FBN3: variants seen among roughly 807,000 people sequenced by gnomAD.
FBN3 encodes fibrillin 3.
A neutral mutation model predicts 330.1 loss-of-function variants in FBN3; 234 were observed. The ratio of observed to expected loss-of-function variants is 0.71; its 90% CI spans 0.64 to 0.79. The LOEUF is 0.79. Ranked by LOEUF, FBN3 falls within the 30% of genes least tolerant of loss-of-function variation. FBN3 has a pLI of 0.00. For synonymous variants in FBN3, 1,458 were observed against 1,517.3 expected (o/e 0.96, Z 0.91); for missense variants, 3,606 against 3,886.9 (o/e 0.93, Z 1.92).
Position 8,147,150 on chromosome 19 carries a change from G to C in FBN3, c.204C>G (p.Cys68Trp). 6.4e-7 allele frequency: 1 copy of C among 1,573,446 alleles called. No homozygotes were observed. Among genetic ancestry groups the C allele is most frequent in the Non-Finnish European group, 8.6e-7 (1 of 1,160,658 alleles). ...NVCGSRFHAY[C>W]CPGWRTFPGR... ...CAGGGAATGTCCTCCAGCCTGGACA[G>C]CAGTAGGCATGGAACCGGGAGCCGC... is the stretch of plus-strand genomic sequence containing the variant. Residue 68 changes from cysteine to tryptophan, a missense_variant, in exon 3 of 64, where the codon TGC becomes TGG. Cys to Trp is a radical substitution (Grantham distance 215). Coordinates refer to ENST00000600128, the MANE Select transcript of FBN3 (RefSeq NM_032447.5).
Position 8,133,105 on chromosome 19 carries a change from G to C in FBN3, c.1593C>G (p.Asp531Glu). The C allele has an allele frequency of 6.4e-7, 1 of 1,572,326 alleles. No homozygotes were observed. Among genetic ancestry groups the C allele is most frequent in the Non-Finnish European group, 8.6e-7 (1 of 1,159,936 alleles). ...TGGTGCTGGTGGCACACTCGTTGTG[G>C]TCTGGGGACAACAGCAGAGGCTGGG... ...ELSPDGKNCV[D>E]HNECATSTMC... The change falls in exon 14 of 64, where the codon GAC (aspartate) becomes GAG (glutamate). Residue 531 changes from aspartate (D) to glutamate (E), a missense_variant and splice_region_variant. By Grantham distance (45) the Asp-to-Glu change is conservative. Coordinates refer to ENST00000600128, the MANE Select transcript of FBN3 (RefSeq NM_032447.5).
chr19:8,111,574 A>G (rs12609936), intron 32 of FBN3, 74 bp downstream of exon 32: 590,981 of 1,394,920 alleles, frequency 0.42, 134,920 homozygotes, highest in Non-Finnish European at 0.47. Flanking sequence ...TCGAGTGACC[A>G]TGGCAGCCAC....
chr19:8,102,218 T>A (rs1211532741), intron 40 of FBN3, among the ~76,000 whole-genome samples: 3 of 138,180 alleles, frequency 2.2e-5, no homozygotes, highest in Admixed American at 7.5e-5. Context: ...TTTTTTATTT[T>A]TTTATTTTTT....
At chr19:8,140,917 G>A (rs62123273) in intron 8 of FBN3, among the ~76,000 whole-genome samples, 5,835 of 152,246 alleles carry the variant, frequency 0.038, 114 homozygotes, top group South Asian at 0.05. Context: ...GGCCAGCCGG[G>A]CGCGGTGGCT....
At chr19:8,128,012 AT>A (rs2083035594) in intron 18 of FBN3, among the ~76,000 whole-genome samples, 1 of 152,076 alleles carries the variant, frequency 6.6e-6, no homozygotes, top group Non-Finnish European at 1.5e-5. Flanking sequence ...AAAAGATAAA[AT>A]AAAAAAAATA....
chr19:8,139,366 A>C (rs2083361343), intron 8 of FBN3, among the ~76,000 whole-genome samples: 1 of 152,066 alleles, frequency 6.6e-6, no homozygotes, highest in Non-Finnish European at 1.5e-5. Flanking sequence ...TAAATAAATA[A>C]ATAGAAAAGT....
intron 41 of FBN3, among the ~76,000 whole-genome samples, chr19:8,098,422 TG>T (rs1270495043): frequency 6.8e-6 from 1 of 146,334 alleles, no homozygotes; most frequent in Non-Finnish European, 1.5e-5. Flanking sequence ...CAGGCATCAG[TG>T]GGGGACTGGA....
In FBN3 at chr19:8,116,760, T is replaced by C. The variant is rs34684510; in HGVS notation, c.3626A>G (p.Gln1209Arg). The change falls in exon 29 of 64, where the codon CAA becomes CGA. Residue 1209 changes from glutamine to arginine, a missense_variant. By Grantham distance (43) the Gln-to-Arg change is conservative. Transcript: ENST00000600128. The part of the protein sequence containing the change: ...ECEENPRVCD[Q>R]GHCTNMPGGH... ...CCCTGGCATGTTGGTGCAGTGGCCT[T>C]GGTCACAAACGCGGGGGTTCTCTTC... 5,620 of 1,614,074 alleles carry C rather than the reference T, an allele frequency of 3.5e-3. 166 individuals are homozygous for C. The African/African-American group carries it at 0.064, about 18-fold the overall frequency.
intron 41 of FBN3, among the ~76,000 whole-genome samples, chr19:8,099,598 T>A (rs190281573): frequency 0.018 from 2,741 of 152,004 alleles, 33 homozygotes; most frequent in Middle Eastern, 0.051. Flanking sequence ...TTGATTTTTT[T>A]AAAAAATAAG....
At chr19:8,130,659 GGAAAAGAAAAGAAAA>G (rs1294557631) in intron 16 of FBN3, among the ~76,000 whole-genome samples, 3 of 37,262 alleles carry the variant, frequency 8.1e-5, no homozygotes, top group African/African-American at 4.2e-4. Flanking sequence ...GGAAAGGAAA[GGAAAAGAAAAGAAAA>G]GAAAAGAAAA....
At position 8,116,738 on chromosome 19, in the gene FBN3, T is replaced by C. The variant is rs1185986040; in HGVS notation, c.3648A>G (p.Pro1216=). ...VCDQGHCTNM[P]GGHRCLCYDG... ...CATAGCACAGGCAGCGGTGACCCCC[T>C]GGCATGTTGGTGCAGTGGCCTTGGT... is the stretch of plus-strand genomic sequence containing the variant. The change falls in exon 29 of 64, where the codon CCA becomes CCG. Residue 1216 remains proline, a synonymous_variant. Transcript: ENST00000600128. The C allele has an allele frequency of 6.2e-7, 1 of 1,605,624 alleles. No individual in the cohort carries two copies. Among genetic ancestry groups the C allele is most frequent in the Admixed American group, 1.7e-5 (1 of 59,644 alleles).
intron 55 of FBN3, among the ~76,000 whole-genome samples, chr19:8,085,923 C>T (rs989986355): frequency 2.0e-5 from 3 of 147,160 alleles, no homozygotes; most frequent in Non-Finnish European, 3.0e-5. Context: ...CTGGGTTGCC[C>T]GTCAGTGCCG....
chr19:8,096,450 A>G lies in FBN3; in HGVS notation c.5533T>C (p.Cys1845Arg). Reference sequence around the variant, plus strand: ...GGGAAGATAAGGGTCTCACCCATGCACAGGGTCTGGTCTGCAGAGGCCTGG... The same window carrying G: ...GGGAAGATAAGGGTCTCACCCATGCGCAGGGTCTGGTCTGCAGAGGCCTGG... ...GFQASADQTL[C>R]MDIDECDRQP... The change falls in exon 44 of 64, where the codon TGC becomes CGC. Residue 1845 changes from cysteine to arginine, a missense_variant. Coordinates refer to ENST00000600128, the MANE Select transcript of FBN3 (RefSeq NM_032447.5). The surrounding 1 kb of genome is among the most constrained non-coding windows in gnomAD (Gnocchi z 4.6). 9 of 1,613,660 alleles carry G rather than the reference A, an allele frequency of 5.6e-6. No homozygotes were observed. The highest frequency in any genetic ancestry group is 7.6e-6 in the Non-Finnish European group (9 of 1,179,778).
chr19:8,125,869 A>C, intron 22 of FBN3, 23 bp downstream of exon 22: 1 of 1,594,350 alleles, frequency 6.3e-7, no homozygotes, highest in Admixed American at 1.8e-5. Flanking sequence ...GTGGCCCTGT[A>C]TGCGGACCTC....
intron 49 of FBN3, 43 bp from the exon 50 acceptor site, chr19:8,090,002 G>T (rs2082057991): frequency 6.2e-7 from 1 of 1,601,250 alleles, no homozygotes. Flanking sequence ...GGGCCTAGGT[G>T]CAGCCCCCAG....
At position 8,125,895 on chromosome 19, in the gene FBN3, C is replaced by A. The variant is rs775664860; in HGVS notation, c.2728G>T (p.Val910Leu). ...TGCGGACCTCGCCTGGACTCACCCACGCACAGCCGGCCTGAGGCGTCCAGC... is the reference window on the plus strand; with the variant it reads ...TGCGGACCTCGCCTGGACTCACCCAAGCACAGCCGGCCTGAGGCGTCCAGC... ...LMLDASGRLC[V>L]DVRLEPCFLR... The change falls in exon 22 of 64, where the codon GTG becomes TTG. Residue 910 changes from valine to leucine, a missense_variant. Coordinates refer to ENST00000600128, the MANE Select transcript of FBN3 (RefSeq NM_032447.5). The A allele has an allele frequency of 6.2e-7, 1 of 1,611,612 alleles. No individual in the cohort carries two copies. The highest frequency in any genetic ancestry group is 8.5e-7 in the Non-Finnish European group (1 of 1,179,352).
chr19:8,111,902 T>TGCCTTGCCCCCCACC (rs144754691), intron 31 of FBN3, 75 bp downstream of exon 31: 12 of 451,624 alleles, frequency 2.7e-5, no homozygotes, highest in East Asian at 1.0e-4. Flanking sequence ...ACCCTCCCAC[T>TGCCTTGCCCCCCACC]GCCTTGCCCC....
chr19:8,087,871 G>A lies in FBN3; in HGVS notation c.6573C>T (p.Thr2191=). The change falls in exon 53 of 64, where the codon ACC becomes ACT. Residue 2191 remains threonine (T), a synonymous_variant. Coordinates refer to ENST00000600128, the MANE Select transcript of FBN3 (RefSeq NM_032447.5). The part of the protein sequence containing the change: ...CHNTEGSYLC[T]CPAGYTLRED... The stretch of plus-strand genomic sequence containing the variant: ...CCCGCAGGGTGTAGCCGGCTGGACA[G>A]GTGCACAGGTAGGAGCCCTCGGTAT... 1.9e-6 allele frequency: 3 copies of A among 1,614,134 alleles called. No homozygotes were observed. The highest frequency in any genetic ancestry group is 2.5e-6 in the Non-Finnish European group (3 of 1,180,002).
rs200735232 is a variant in FBN3, at chr19:8,136,228, G to A, written c.1427C>T (p.Pro476Leu). Residue 476 changes from proline (P) to leucine (L), a missense_variant, in exon 12 of 64, where the codon CCG (proline) becomes CTG (leucine). By Grantham distance (98) the Pro-to-Leu change is moderately conservative (BLOSUM62 -3). Coordinates refer to ENST00000600128, the MANE Select transcript of FBN3 (RefSeq NM_032447.5). Reference sequence around the variant, plus strand: ...CCTGGTGGGCGTGGCCTGGAAGCCCGGGTAGCACCGGCAGTGGTAGGTGCC... The same window carrying A: ...CCTGGTGGGCGTGGCCTGGAAGCCCAGGTAGCACCGGCAGTGGTAGGTGCC... ...IPGTYHCRCY[P>L]GFQATPTRQA... 2.3e-5 allele frequency: 37 copies of A among 1,611,976 alleles called. No individual in the cohort carries two copies. The highest frequency in any genetic ancestry group is 1.1e-4 in the South Asian group (10 of 90,838).
Sources: gnomAD v4.1 joint callset for allele counts (sites outside exome capture counted in the v4.1 genomes callset) on GRCh38, gnomAD v4.1.1 for gene constraint, Gnocchi (gnomAD v3.1) non-coding constraint, MANE v1.5 for transcripts, NCBI Gene and HGNC (gene_info 2026-07-23, HGNC 2026-07-21) for gene names.